The following FBXL7 variants were observed in gnomAD, a reference collection of about 807,000 sequenced individuals.
The protein encoded by FBXL7 is F-box/LRR-repeat protein 7.
In FBXL7, 12 loss-of-function variants were observed where a neutral mutation model predicts 38.3. The ratio of observed to expected loss-of-function variants is 0.31; its 90% CI spans 0.20 to 0.51. The LOEUF (loss-of-function observed/expected upper bound fraction) is 0.51. Ranked by LOEUF, FBXL7 falls within the 20% of genes least tolerant of loss-of-function variation. The probability of loss-of-function intolerance (pLI) is 0.98; values close to 1 mark genes in which losing one functional copy is unlikely to be tolerated. For missense variants in FBXL7, 567 were observed against 676.4 expected (o/e 0.84, Z 1.79); for synonymous variants, 297 against 300.9 (o/e 0.99, Z 0.13).
chr5:15,825,224 C>T (rs1579496501), intron 2 of FBXL7, among the ~76,000 whole-genome samples: 1 of 152,030 alleles, frequency 6.6e-6, no homozygotes, highest in African/African-American at 2.4e-5. Flanking sequence ...CTTGCTAATA[C>T]GGCTTCTGAC....
intron 2 of FBXL7, among the ~76,000 whole-genome samples, chr5:15,853,832 A>T (rs1258074222): frequency 6.6e-6 from 1 of 152,212 alleles, no homozygotes; most frequent in Non-Finnish European, 1.5e-5. Flanking sequence ...GGTTTTAGAA[A>T]AATCAGTGCA....
At position 15,566,844 on chromosome 5, in the gene FBXL7, G is replaced by C. The variant is rs144660290; in HGVS notation, c.38-49139G>C. Among the ~76,000 whole-genome samples, 624 of 152,220 alleles carry C rather than the reference G, an allele frequency of 4.1e-3. 3 individuals are homozygous for C. Among genetic ancestry groups the C allele is most frequent in the Middle Eastern group, 0.017 (5 of 294 alleles). Reference sequence around the variant, plus strand: ...TATGGTGACTTGCCTTCCTGTTGGGGACTTGCAAATCACTTTTGAAATAAA... The same window carrying C: ...TATGGTGACTTGCCTTCCTGTTGGGCACTTGCAAATCACTTTTGAAATAAA... On this transcript the variant is annotated intron_variant, in intron 1 of 3. Transcript: ENST00000504595.
At chr5:15,638,201 G>A (rs941316177) in intron 2 of FBXL7, among the ~76,000 whole-genome samples, 3 of 152,210 alleles carry the variant, frequency 2.0e-5, no homozygotes, top group Admixed American at 2.0e-4. Flanking sequence ...GCCATGCCTG[G>A]GAACGAGGGG....
At chr5:15,797,101 T>C (rs1464746395) in intron 2 of FBXL7, among the ~76,000 whole-genome samples, 2 of 152,232 alleles carry the variant, frequency 1.3e-5, no homozygotes. Flanking sequence ...AAATGTGACA[T>C]AGCTGAGTGA....
At chr5:15,731,532 A>G (rs1226175465) in intron 2 of FBXL7, among the ~76,000 whole-genome samples, 1 of 152,152 alleles carries the variant, frequency 6.6e-6, no homozygotes, top group African/African-American at 2.4e-5. Flanking sequence ...TTGTGTGGGG[A>G]CACAGAGCCA....
intron 2 of FBXL7, among the ~76,000 whole-genome samples, chr5:15,854,171 A>G (rs992659624): frequency 6.6e-6 from 1 of 152,224 alleles, no homozygotes; most frequent in African/African-American, 2.4e-5. Flanking sequence ...TGAAATCCAT[A>G]TAATAAACAA....
chr5:15,890,614 T>C (rs1187931551), intron 2 of FBXL7, among the ~76,000 whole-genome samples: 2 of 152,142 alleles, frequency 1.3e-5, no homozygotes, highest in African/African-American at 4.8e-5. Context: ...GCACGCCCTT[T>C]ATGAGACTCT....
chr5:15,598,048 A>G (rs945237013), intron 1 of FBXL7, among the ~76,000 whole-genome samples: 30 of 152,230 alleles, frequency 2.0e-4, no homozygotes, highest in African/African-American at 7.0e-4. Flanking sequence ...CGCAATTTAT[A>G]TGATAAAAGG....
At chr5:15,848,484 C>T (rs899755666) in intron 2 of FBXL7, among the ~76,000 whole-genome samples, 2 of 152,078 alleles carry the variant, frequency 1.3e-5, no homozygotes, top group African/African-American at 4.8e-5. Flanking sequence ...CAGGTTCAAG[C>T]GATTCTCCTG....
intron 2 of FBXL7, among the ~76,000 whole-genome samples, chr5:15,824,954 C>T (rs972967719): frequency 2.6e-5 from 4 of 152,164 alleles, no homozygotes; most frequent in Admixed American, 2.0e-4. Flanking sequence ...GTGTCAAAGC[C>T]AGTCTGTGAA....
chr5:15,777,699 G>A (rs183490715), intron 2 of FBXL7, among the ~76,000 whole-genome samples: 196 of 99,710 alleles, frequency 2.0e-3, no homozygotes, highest in Middle Eastern at 9.4e-3. Flanking sequence ...GCTACGTATT[G>A]TTTGCAAACC....
At chr5:15,858,853 G>A (rs144111147) in intron 2 of FBXL7, among the ~76,000 whole-genome samples, 8 of 151,926 alleles carry the variant, frequency 5.3e-5, no homozygotes, top group South Asian at 4.2e-4. Flanking sequence ...AGTGACCACC[G>A]GAAATGTAGT....
chr5:15,884,621 A>G (rs1270071453), intron 2 of FBXL7, among the ~76,000 whole-genome samples: 1 of 152,192 alleles, frequency 6.6e-6, no homozygotes, highest in Non-Finnish European at 1.5e-5. Context: ...TAATAGAGGG[A>G]AAAACGCAAT....
chr5:15,526,951 A>G lies in FBXL7; in HGVS notation c.37+26238A>G, dbSNP rs73751967. Among the ~76,000 whole-genome samples the G allele has an allele frequency of 9.9e-3, 1,503 of 152,264 alleles. 20 individuals carry two copies. The highest frequency in any genetic ancestry group is 0.034 in the African/African-American group (1,398 of 41,524). On this transcript the variant is annotated intron_variant, in intron 1 of 3. Transcript: ENST00000504595. ...CAATGTCGGGCTCTCCGTGTCATTC[A>G]TGGGTTTATTTCAAAATGAATCTCC...
At chr5:15,901,303 T>A (rs1467925695) in intron 2 of FBXL7, among the ~76,000 whole-genome samples, 1 of 152,214 alleles carries the variant, frequency 6.6e-6, no homozygotes, top group Non-Finnish European at 1.5e-5. Context: ...GTCTTCTGAC[T>A]GTGTCTTCAC....
chr5:15,686,865 C>T (rs982567460), intron 2 of FBXL7, among the ~76,000 whole-genome samples: 2 of 152,176 alleles, frequency 1.3e-5, no homozygotes, highest in Admixed American at 6.5e-5. Flanking sequence ...GCTGACCACC[C>T]ACAGGGGCTT....
chr5:15,609,005 A>G (rs550059038), intron 1 of FBXL7, among the ~76,000 whole-genome samples: 75 of 152,272 alleles, frequency 4.9e-4, no homozygotes, highest in African/African-American at 1.7e-3. Flanking sequence ...ACGTGAGCAT[A>G]TGTGTGGCGT....
chr5:15,667,297 A>G (rs77626645), intron 2 of FBXL7, among the ~76,000 whole-genome samples: 2,278 of 152,290 alleles, frequency 0.015, 50 homozygotes, highest in African/African-American at 0.053. Context: ...GGCCAGTTTC[A>G]TCTGATGGAA....
intron 2 of FBXL7, among the ~76,000 whole-genome samples, chr5:15,731,579 T>C (rs948822326): frequency 2.0e-5 from 3 of 151,900 alleles, no homozygotes; most frequent in Admixed American, 6.6e-5. Context: ...AAGGGAAATA[T>C]TGCTTTGGGA....
Sources: allele counts gnomAD v4.1 joint callset (sites outside exome capture counted in the v4.1 genomes callset), GRCh38; gene constraint gnomAD v4.1.1; transcripts MANE v1.5; gene names NCBI Gene and HGNC (gene_info 2026-07-23, HGNC 2026-07-21).